CDH12: variants seen among roughly 807,000 people sequenced by gnomAD.
CDH12 encodes the protein cadherin 12, also known as cadherin-12.
In CDH12, 41 loss-of-function variants were observed where a neutral mutation model predicts 74.1. The ratio of observed to expected loss-of-function variants is 0.55; its 90% CI spans 0.43 to 0.72. The LOEUF is 0.72. Ranked by LOEUF, CDH12 falls within the 30% of genes least tolerant of loss-of-function variation. The pLI is 0.00. For missense variants in CDH12, 945 were observed against 977.2 expected, an observed-to-expected ratio of 0.97 and a Z score of 0.44; for synonymous variants, 399 against 355.0, an observed-to-expected ratio of 1.12 and a Z score of -1.39.
intron 1 of CDH12, among the ~76,000 whole-genome samples, chr5:22,708,256 G>C (rs970226897): frequency 6.6e-6 from 1 of 152,142 alleles, no homozygotes; most frequent in African/African-American, 2.4e-5. Context: ...GAGTATTGGA[G>C]ATACAAAGTT....
intron 6 of CDH12, among the ~76,000 whole-genome samples, chr5:21,940,245 T>C (rs952050067): frequency 4.6e-5 from 7 of 152,004 alleles, no homozygotes; most frequent in African/African-American, 2.4e-5. Context: ...AGAAAAGTTA[T>C]AGAAATAAAT....
chr5:22,166,496 T>G (rs2150324032), intron 4 of CDH12, among the ~76,000 whole-genome samples: 1 of 152,330 alleles, frequency 6.6e-6, no homozygotes, highest in Admixed American at 6.5e-5. Flanking sequence ...CCTTCTAAAT[T>G]ACCAGCAACC....
At chr5:22,046,904 G>C (rs1739994520) in intron 5 of CDH12, among the ~76,000 whole-genome samples, 1 of 152,086 alleles carries the variant, frequency 6.6e-6, no homozygotes, top group East Asian at 1.9e-4. Flanking sequence ...AATCCACTTG[G>C]TTAAATGTTG....
At position 22,199,287 on chromosome 5, in the gene CDH12, A is replaced by G. The variant is rs550008209; in HGVS notation, c.-187+13211T>C. 8.5e-4 allele frequency among the ~76,000 whole-genome samples: 129 copies of G among 152,302 alleles called. 1 individual carries two copies. The East Asian group carries it at 0.023, about 27-fold the overall frequency. On this transcript the variant is annotated intron_variant, in intron 4 of 14. Transcript: ENST00000382254. ...CAACGAAGAGACTCTATGTTGATAC[A>G]TGTGTGGCTACTTAGTCATGAGGGT...
chr5:22,564,400 T>C (rs936904471), intron 1 of CDH12, among the ~76,000 whole-genome samples: 1 of 152,232 alleles, frequency 6.6e-6, no homozygotes, highest in African/African-American at 2.4e-5. Context: ...ATGTGACTTA[T>C]GAATATTCAT....
intron 1 of CDH12, among the ~76,000 whole-genome samples, chr5:22,799,610 C>A (rs950537569): frequency 1.3e-5 from 2 of 152,066 alleles, no homozygotes; most frequent in African/African-American, 4.8e-5. Context: ...AATACGTGTG[C>A]TCTTTAATTG....
chr5:22,124,114 G>A (rs1223994828), intron 4 of CDH12, among the ~76,000 whole-genome samples: 7 of 151,176 alleles, frequency 4.6e-5, no homozygotes, highest in African/African-American at 9.7e-5. Context: ...ATTACAGCGC[G>A]CGCCAACACT....
intron 6 of CDH12, among the ~76,000 whole-genome samples, chr5:21,929,804 CCA>C (rs1490030251): frequency 6.6e-6 from 1 of 152,160 alleles, no homozygotes; most frequent in African/African-American, 2.4e-5. Flanking sequence ...CAGGCATGAG[CCA>C]CAGTGTCCAG....
At chr5:22,704,782 C>T (rs552656657) in intron 1 of CDH12, among the ~76,000 whole-genome samples, 71 of 152,014 alleles carry the variant, frequency 4.7e-4, no homozygotes, top group African/African-American at 1.5e-3. Flanking sequence ...TATTATCATA[C>T]GTGTGGTATT....
intron 2 of CDH12, among the ~76,000 whole-genome samples, chr5:22,446,327 T>C (rs1014579947): frequency 5.9e-5 from 9 of 152,110 alleles, no homozygotes; most frequent in Non-Finnish European, 1.0e-4. Flanking sequence ...TTCTAACTTT[T>C]AGTAGATGAC....
At chr5:22,033,343 A>C (rs572019341) in intron 5 of CDH12, among the ~76,000 whole-genome samples, 7 of 152,318 alleles carry the variant, frequency 4.6e-5, no homozygotes, top group African/African-American at 1.7e-4. Flanking sequence ...GAATTTTTTC[A>C]CAGCAATTAC....
At chr5:22,113,705 C>A (rs1744940951) in intron 4 of CDH12, among the ~76,000 whole-genome samples, 1 of 152,122 alleles carries the variant, frequency 6.6e-6, no homozygotes, top group Admixed American at 6.6e-5. Context: ...TTGGCTCAGA[C>A]TAAATCTCAA....
rs1485068625 is a variant in CDH12, at chr5:21,937,445, C to A, written c.526+37646G>T. Among the ~76,000 whole-genome samples, 9 of 152,032 alleles carry A rather than the reference C, an allele frequency of 5.9e-5. No homozygotes were observed. In the East Asian group the frequency reaches 1.3e-3, roughly 23 times the overall value. On this transcript the variant is annotated intron_variant, in intron 6 of 14. Coordinates refer to ENST00000382254, the MANE Select transcript of CDH12 (RefSeq NM_004061.5). ...TAGTCCAGGTTAAAGATGATTTGGA[C>A]CCTGGCACATGGAGGATGCTGTAGG...
At position 22,025,479 on chromosome 5, in the gene CDH12, C is replaced by T. The variant is rs148804894; in HGVS notation, c.232-50094G>A. Among the ~76,000 whole-genome samples the T allele has an allele frequency of 1.4e-4, 21 of 152,222 alleles. No homozygotes were observed. The East Asian group carries it at 3.3e-3, about 24-fold the overall frequency. On this transcript the variant is annotated intron_variant, in intron 5 of 14. Transcript: ENST00000382254. The stretch of plus-strand genomic sequence containing the variant: ...AAAATATTTAATTCCTAAAAAAATG[C>T]TAATGATCATCTCACTGAATAGCCT...
rs1052101029 is a variant in CDH12, at chr5:22,678,157, C to T, written c.-522-172793G>A. On this transcript the variant is annotated intron_variant, in intron 1 of 14. Transcript: ENST00000382254. ...GTAGGTATTTTGACTGAATCTTGAACGAATCTACAAATTTAGAAAAATCCT... is the reference window on the plus strand; with the variant it reads ...GTAGGTATTTTGACTGAATCTTGAATGAATCTACAAATTTAGAAAAATCCT... Among the ~76,000 whole-genome samples the T allele has an allele frequency of 3.0e-4, 46 of 151,714 alleles. 1 individual carries two copies. The highest frequency in any genetic ancestry group is 1.0e-3 in the African/African-American group (42 of 41,388).
At chr5:22,302,477 T>A (rs1737928566) in intron 3 of CDH12, among the ~76,000 whole-genome samples, 1 of 152,190 alleles carries the variant, frequency 6.6e-6, no homozygotes, top group Non-Finnish European at 1.5e-5. Flanking sequence ...GGGTATTGAA[T>A]TCCGCCTTGG....
At chr5:22,483,761 T>TATATATATATATATATATATATATAA in intron 2 of CDH12, among the ~76,000 whole-genome samples, 1 of 101,844 alleles carries the variant, frequency 9.8e-6, no homozygotes, top group Non-Finnish European at 2.0e-5. Context: ...TATATATATA[T>TATATATATATATATATATATATATAA]ATAAATTTAA....
chr5:22,618,972 G>T (rs1737825128), intron 1 of CDH12, among the ~76,000 whole-genome samples: 2 of 152,014 alleles, frequency 1.3e-5, no homozygotes, highest in Admixed American at 1.3e-4. Flanking sequence ...ATCATTGTGA[G>T]ACCTCCCCAG....
intron 1 of CDH12, among the ~76,000 whole-genome samples, chr5:22,699,856 C>T (rs909421159): frequency 6.6e-6 from 1 of 152,014 alleles, no homozygotes; most frequent in Non-Finnish European, 1.5e-5. Flanking sequence ...ATATTAATGC[C>T]TATTGCTATT....
Sources: allele counts gnomAD v4.1 joint callset (sites outside exome capture counted in the v4.1 genomes callset), GRCh38; gene constraint gnomAD v4.1.1; transcripts MANE v1.5; gene names NCBI Gene and HGNC (gene_info 2026-07-23, HGNC 2026-07-21).